The following MYL4 variants were observed in gnomAD, a reference collection of about 807,000 sequenced individuals.
The protein encoded by MYL4 is atrial myosin light chain 1.
Under a neutral mutation model 21.6 loss-of-function variants are expected in MYL4, and 16 were observed. The ratio of observed to expected loss-of-function variants is 0.74; its 90% confidence interval spans 0.50 to 1.12. The LOEUF (loss-of-function observed/expected upper bound fraction) is 1.12. MYL4 is among the 50% of genes most tolerant of loss of function. The pLI, the probability that MYL4 is intolerant of heterozygous loss-of-function variation, is 0.00. For missense variants in MYL4, 249 were observed against 252.9 expected, an observed-to-expected ratio of 0.98 and a Z score of 0.11; for synonymous variants, 82 against 95.7, an observed-to-expected ratio of 0.86 and a Z score of 0.83.
At chr17:47,198,780 G>A (rs2064698713), upstream of MYL4, among the ~76,000 whole-genome samples, 2 of 151,922 alleles carry the variant, frequency 1.3e-5, no homozygotes, top group Non-Finnish European at 2.9e-5. Flanking sequence ...CCAGGAGTTC[G>A]AGAACACCCT....
chr17:47,219,532 G>A (rs1283635112), intron 2 of MYL4, among the ~76,000 whole-genome samples: 1 of 152,050 alleles, frequency 6.6e-6, no homozygotes, highest in Non-Finnish European at 1.5e-5. Flanking sequence ...GTTTCAAGAT[G>A]GAGTTTCACT....
At chr17:47,213,894 G>A (rs1352922371) in intron 2 of MYL4, 68 bp downstream of exon 2, 1 of 1,530,992 alleles carries the variant, frequency 6.5e-7, no homozygotes, top group South Asian at 1.1e-5. Context: ...GGAGGAGGAA[G>A]AAGAGGAGGA....
At chr17:47,215,268 G>A (rs1215445140) in intron 2 of MYL4, among the ~76,000 whole-genome samples, 3 of 152,106 alleles carry the variant, frequency 2.0e-5, no homozygotes, top group Non-Finnish European at 2.9e-5. Flanking sequence ...ACACTAGTGA[G>A]GACTGGAAAA....
At chr17:47,219,741 G>A (rs1174289006) in intron 2 of MYL4, among the ~76,000 whole-genome samples, 163 bp from the exon 3 acceptor site, 1 of 152,192 alleles carries the variant, frequency 6.6e-6, no homozygotes. Context: ...AAGATGGGAT[G>A]AGGACGGGTT....
At chr17:47,197,583 G>C (rs960074923), upstream of MYL4, among the ~76,000 whole-genome samples, 1 of 152,168 alleles carries the variant, frequency 6.6e-6, no homozygotes, top group Non-Finnish European at 1.5e-5. Context: ...TTGACTTTAT[G>C]ATGGTGTAGA....
rs2064755913 is a variant in MYL4 at position 47,209,520 on chromosome 17, C to A, written c.98C>A (p.Ala33Asp). 6.2e-7 allele frequency: 1 copy of A among 1,614,252 alleles called. No homozygotes were observed. The highest frequency in any genetic ancestry group is 2.2e-5 in the East Asian group (1 of 44,894). ...PAPAPAPAPE[A>D]PKEPAFDPKS... Reference sequence around the variant, plus strand: ...CCAGCCCCTGCCCCAGCTCCTGAGGCTCCCAAGGAACCTGCCTTTGACCCC... The same window carrying A: ...CCAGCCCCTGCCCCAGCTCCTGAGGATCCCAAGGAACCTGCCTTTGACCCC... The change falls in exon 1 of 7, where the codon GCT (alanine) becomes GAT (aspartate). Residue 33 changes from alanine to aspartate, a missense_variant. Coordinates refer to ENST00000393450, the MANE Select transcript of MYL4 (RefSeq NM_002476.2).
At chr17:47,195,303 C>T in the MYL4 span, among the ~76,000 whole-genome samples, 1 of 150,782 alleles carries the variant, frequency 6.6e-6, no homozygotes, top group South Asian at 2.1e-4. Context: ...GATCTTGGCT[C>T]ACCGCAACCT....
At chr17:47,201,644 C>T (rs554151509) in intron 1 of MYL4, among the ~76,000 whole-genome samples, 89 of 151,924 alleles carry the variant, frequency 5.9e-4, no homozygotes, top group African/African-American at 2.0e-3. Flanking sequence ...TTAGTAGAGA[C>T]GAGGTTTCTC....
At chr17:47,207,373 C>G (rs1022549289), upstream of MYL4, among the ~76,000 whole-genome samples, 1 of 152,184 alleles carries the variant, frequency 6.6e-6, no homozygotes, top group Non-Finnish European at 1.5e-5. Flanking sequence ...TGTCTTGAGG[C>G]AACTTCAACG....
chr17:47,205,309 T>A (rs1000769098), upstream of MYL4, among the ~76,000 whole-genome samples: 2 of 152,202 alleles, frequency 1.3e-5, no homozygotes, highest in African/African-American at 2.4e-5. Flanking sequence ...CTGCCATACT[T>A]GCCTCTTCAC....
chr17:47,192,092 C>T, the MYL4 span, among the ~76,000 whole-genome samples: 6 of 152,292 alleles, frequency 3.9e-5, no homozygotes, highest in South Asian at 2.1e-4. Context: ...AGGTGGCTCA[C>T]GCCTGTAATC....
upstream of MYL4, among the ~76,000 whole-genome samples, chr17:47,206,177 C>A (rs1048749868): frequency 5.3e-5 from 8 of 152,216 alleles, no homozygotes; most frequent in Admixed American, 3.9e-4. Flanking sequence ...GGCTTCAGAC[C>A]CATCACTGTC....
upstream of MYL4, among the ~76,000 whole-genome samples, chr17:47,196,290 G>A (rs1229445519): frequency 1.3e-5 from 2 of 152,242 alleles, no homozygotes; most frequent in African/African-American, 4.8e-5. Flanking sequence ...TCTAGGAAGA[G>A]AGCCCTCACC....
At chr17:47,224,345 C>T (rs1273028451), downstream of MYL4, among the ~76,000 whole-genome samples, 2 of 152,168 alleles carry the variant, frequency 1.3e-5, no homozygotes, top group African/African-American at 2.4e-5. Flanking sequence ...ACCATCAGAT[C>T]TTGTGAGACT....
At chr17:47,209,293 C>G (rs1245188121), upstream of MYL4, 29 of 1,249,726 alleles carry the variant, frequency 2.3e-5, no homozygotes, top group Non-Finnish European at 3.1e-5. Context: ...TCACCCAGCC[C>G]CTCTGTGGGG....
upstream of MYL4, among the ~76,000 whole-genome samples, chr17:47,206,192 T>C (rs994633151): frequency 5.3e-5 from 8 of 152,152 alleles, no homozygotes; most frequent in Non-Finnish European, 7.4e-5. Flanking sequence ...ACTGTCTACC[T>C]CCAGAGTCCA....
upstream of MYL4, among the ~76,000 whole-genome samples, chr17:47,197,786 G>C (rs1462293058): frequency 1.3e-5 from 2 of 152,220 alleles, no homozygotes; most frequent in Admixed American, 6.5e-5. Flanking sequence ...GCTAAACTAT[G>C]ATGTTCAGTA....
intron 2 of MYL4, among the ~76,000 whole-genome samples, chr17:47,216,126 T>C (rs974792943): frequency 1.3e-5 from 2 of 151,840 alleles, no homozygotes; most frequent in African/African-American, 4.8e-5. Context: ...TCATAGGAAT[T>C]AGCTTCTAAC....
the MYL4 span, among the ~76,000 whole-genome samples, chr17:47,191,021 C>G: frequency 6.6e-6 from 1 of 152,234 alleles, no homozygotes; most frequent in Admixed American, 6.5e-5. Flanking sequence ...CCTCTCTTTT[C>G]ACACTGGCCT....
Sources: allele counts gnomAD v4.1 joint callset (sites outside exome capture counted in the v4.1 genomes callset), GRCh38; gene constraint gnomAD v4.1.1; transcripts MANE v1.5; gene names NCBI Gene and HGNC (gene_info 2026-07-23, HGNC 2026-07-21).